Variants in SLC39A9 observed in about 807,000 individuals in gnomAD.
SLC39A9 encodes the protein zinc transporter ZIP9.
SLC39A9 carries 14 observed loss-of-function variants against 28.4 expected under a neutral mutation model. The observed-to-expected ratio is 0.49, with a 90% CI of 0.33 to 0.77. SLC39A9 has a LOEUF of 0.77. SLC39A9 is among the 30% of genes least tolerant of loss of function. The pLI is 0.02. For missense variants in SLC39A9, 283 were observed against 381.1 expected (o/e 0.74, Z 2.14); for synonymous variants, 119 against 149.6 (o/e 0.80, Z 1.49).
chr14:69,399,614 A>T (rs1003490004), intron 1 of SLC39A9, 149 bp downstream of exon 1: 2 of 629,008 alleles, frequency 3.2e-6, no homozygotes, highest in Non-Finnish European at 5.6e-6. Context: ...ATGACACTTA[A>T]TAATAGAAAG....
At chr14:69,434,762 CTTTA>C (rs2140288030) in intron 2 of SLC39A9, among the ~76,000 whole-genome samples, 1 of 152,228 alleles carries the variant, frequency 6.6e-6, no homozygotes, top group Non-Finnish European at 1.5e-5. Context: ...ATATTTTTAT[CTTTA>C]TTTAGTTCAA....
In SLC39A9 at chr14:69,460,684, G is replaced by A. The variant is rs1215195358; in HGVS notation, c.*2091G>A. The A allele has an allele frequency of 1.0e-6, 1 of 985,300 alleles. No homozygotes were observed. Among genetic ancestry groups the A allele is most frequent in the Non-Finnish European group, 1.2e-6 (1 of 829,942 alleles). 61.0% of individuals were successfully genotyped at this position (985,300 alleles called of 1,614,324 possible). ...GTTTGGCTAGTATATCTTGCTGGATGGAGCCTTGAACTCCGGCAAGGATTG... is the reference window on the plus strand; with the variant it reads ...GTTTGGCTAGTATATCTTGCTGGATAGAGCCTTGAACTCCGGCAAGGATTG... On this transcript the variant is annotated 3_prime_UTR_variant, in exon 7 of 7. Transcript: ENST00000336643.
intron 1 of SLC39A9, among the ~76,000 whole-genome samples, chr14:69,407,620 C>T (rs555319622): frequency 7.2e-5 from 11 of 151,792 alleles, no homozygotes; most frequent in East Asian, 5.8e-4. Flanking sequence ...TGAGCCACTG[C>T]GCCCGGCCAA....
chr14:69,427,379 G>A (rs560316018), intron 2 of SLC39A9, among the ~76,000 whole-genome samples: 63 of 151,966 alleles, frequency 4.1e-4, no homozygotes, highest in Non-Finnish European at 7.4e-4. Flanking sequence ...AAGCATTCTG[G>A]TCTCTTTAAC....
intron 1 of SLC39A9, among the ~76,000 whole-genome samples, chr14:69,413,952 A>G (rs1298846779): frequency 6.6e-6 from 1 of 152,092 alleles, no homozygotes; most frequent in Non-Finnish European, 1.5e-5. Context: ...TTTGGTAGCT[A>G]ATATCCCTAT....
chr14:69,431,418 T>TC (rs1457643784), intron 2 of SLC39A9, among the ~76,000 whole-genome samples: 3 of 151,820 alleles, frequency 2.0e-5, no homozygotes, highest in African/African-American at 7.3e-5. Context: ...TTTTTTTTTT[T>TC]ACCTTCCTTA....
At chr14:69,416,004 T>TAAC (rs1229364690) in intron 1 of SLC39A9, among the ~76,000 whole-genome samples, 1 of 152,076 alleles carries the variant, frequency 6.6e-6, no homozygotes, top group African/African-American at 2.4e-5. Flanking sequence ...ATGTGCCATG[T>TAAC]TGGTTTGCTG....
chr14:69,426,168 G>A (rs546424751), intron 2 of SLC39A9, among the ~76,000 whole-genome samples: 5 of 152,180 alleles, frequency 3.3e-5, no homozygotes, highest in South Asian at 4.1e-4. Flanking sequence ...TAATTCTGAC[G>A]CTGTCTACCT....
intron 1 of SLC39A9, among the ~76,000 whole-genome samples, chr14:69,409,996 G>A (rs150396183): frequency 9.2e-5 from 14 of 152,236 alleles, no homozygotes; most frequent in African/African-American, 3.1e-4. Context: ...CGGTTCAGTT[G>A]AACTCTTATG....
chr14:69,401,103 C>T (rs1006409991), intron 1 of SLC39A9, among the ~76,000 whole-genome samples: 2 of 152,132 alleles, frequency 1.3e-5, no homozygotes, highest in Admixed American at 1.3e-4. Flanking sequence ...TTTTCTGACT[C>T]AGACTAGTTC....
At chr14:69,456,291 A>T (rs940564896) in intron 6 of SLC39A9, among the ~76,000 whole-genome samples, 1 of 152,242 alleles carries the variant, frequency 6.6e-6, no homozygotes, top group African/African-American at 2.4e-5. Context: ...TCAAGAGTTT[A>T]AAAAACTGAC....
At chr14:69,415,379 T>C (rs1883512868) in intron 1 of SLC39A9, among the ~76,000 whole-genome samples, 1 of 152,244 alleles carries the variant, frequency 6.6e-6, no homozygotes, top group Non-Finnish European at 1.5e-5. Flanking sequence ...GATGACTAAA[T>C]GATGTTGAGC....
intron 2 of SLC39A9, among the ~76,000 whole-genome samples, chr14:69,427,043 CTG>C (rs1444810490): frequency 1.4e-5 from 2 of 145,888 alleles, no homozygotes; most frequent in Non-Finnish European, 3.0e-5. Context: ...GGGACTCACT[CTG>C]TCTCCCACGC....
At chr14:69,439,413 C>G (rs35876363) in intron 2 of SLC39A9, among the ~76,000 whole-genome samples, 8,459 of 152,124 alleles carry the variant, frequency 0.056, 326 homozygotes, top group East Asian at 0.094. Context: ...GGTAAAAGAT[C>G]TATATGCTGA....
chr14:69,437,319 C>T (rs1271467340), intron 2 of SLC39A9, among the ~76,000 whole-genome samples: 2 of 152,216 alleles, frequency 1.3e-5, no homozygotes, highest in Non-Finnish European at 2.9e-5. Flanking sequence ...CTTTCCTGTA[C>T]TTCACTACCT....
chr14:69,414,695 G>A lies in SLC39A9; in HGVS notation c.97-9399G>A, dbSNP rs115938682. ...TCTTAATATAGGTTGATGAATTTTA[G>A]CAAATGTTTACAAATGTAACATCCC... On this transcript the variant is annotated intron_variant, in intron 1 of 6. Transcript: ENST00000336643. 2.9e-3 allele frequency among the ~76,000 whole-genome samples: 447 copies of A among 152,214 alleles called. 3 individuals are homozygous for A. The highest frequency in any genetic ancestry group is 0.01 in the African/African-American group (435 of 41,526).
chr14:69,406,675 G>A (rs1216627598), intron 1 of SLC39A9, among the ~76,000 whole-genome samples: 3 of 145,668 alleles, frequency 2.1e-5, no homozygotes, highest in Admixed American at 6.8e-5. Context: ...GCAACAGAGC[G>A]AGACTGTCTT....
Position 69,461,800 on chromosome 14 carries a change from C to A in SLC39A9, c.*3207C>A. The A allele has an allele frequency of 6.7e-7, 1 of 1,496,658 alleles. No homozygotes were observed. The highest frequency in any genetic ancestry group is 1.3e-5 in the South Asian group (1 of 79,996). The allele number at this position is 1,496,658 out of a possible 1,614,324, so 92.7% of individuals were successfully genotyped here. A position where few individuals can be genotyped will look rare whatever the true frequency, so the allele number is the denominator to read the frequency against. On this transcript the variant is annotated 3_prime_UTR_variant, in exon 7 of 7. Coordinates refer to ENST00000336643, the MANE Select transcript of SLC39A9 (RefSeq NM_018375.5). ...GAACCGTATGACAGCAGCACAAACCCCCAAAGGATGTTCCTGCCTTGTGGG... is the reference window on the plus strand; with the variant it reads ...GAACCGTATGACAGCAGCACAAACCACCAAAGGATGTTCCTGCCTTGTGGG...
intron 2 of SLC39A9, among the ~76,000 whole-genome samples, chr14:69,438,746 T>A (rs1884900582): frequency 1.3e-5 from 2 of 152,202 alleles, no homozygotes; most frequent in African/African-American, 4.8e-5. Flanking sequence ...GGGTCAAAGA[T>A]GAAAATATAA....
Sources: gnomAD v4.1 joint callset for allele counts (sites outside exome capture counted in the v4.1 genomes callset) on GRCh38, gnomAD v4.1.1 for gene constraint, MANE v1.5 for transcripts, NCBI Gene and HGNC (gene_info 2026-07-23, HGNC 2026-07-21) for gene names.